The following SLC38A4 variants were observed in gnomAD, a reference collection of about 807,000 sequenced individuals.
SLC38A4 encodes solute carrier family 38 member 4.
SLC38A4 carries 20 observed loss-of-function variants against 63.1 expected under a neutral mutation model. The observed-to-expected ratio is 0.32, with a 90% CI of 0.22 to 0.46. The LOEUF is 0.46. SLC38A4 is among the 20% of genes least tolerant of loss of function. The pLI, the probability that SLC38A4 is intolerant of heterozygous loss-of-function variation, is 1.00. For synonymous variants in SLC38A4, 230 were observed against 225.5 expected (o/e 1.02, Z -0.18); for missense variants, 526 against 663.6 (o/e 0.79, Z 2.28).
At chr12:46,817,451 G>C (rs1204759450) in intron 1 of SLC38A4, among the ~76,000 whole-genome samples, 1 of 151,820 alleles carries the variant, frequency 6.6e-6, no homozygotes. Context: ...ACTAGGTCTA[G>C]ATGAGTAGAT....
At chr12:46,768,471 C>T (rs892981946) in intron 15 of SLC38A4, 64 bp from the exon 16 acceptor site, 9 of 1,158,714 alleles carry the variant, frequency 7.8e-6, no homozygotes, top group Non-Finnish European at 1.1e-5. Flanking sequence ...AAGGAGATGC[C>T]AGCACACACT....
intron 1 of SLC38A4, among the ~76,000 whole-genome samples, chr12:46,819,094 A>G (rs2120915281): frequency 1.3e-5 from 2 of 152,024 alleles, no homozygotes; most frequent in South Asian, 4.1e-4. Flanking sequence ...TGAGAATGAC[A>G]TTTTAAAAGT....
Position 46,784,629 on chromosome 12 carries a change from A to G in SLC38A4, c.406T>C (p.Leu136=). The stretch of plus-strand genomic sequence containing the variant: ...TTTTCTCCTAATTTTTCATAAATCA[A>G]AGACCCTACAATCAAAGATAAAATA... ...LLKTAKEGGS[L]IYEKLGEKAF... is the part of the protein sequence containing the mutation. The change falls in exon 7 of 17, where the codon TTG becomes CTG. Residue 136 remains leucine (L), a synonymous_variant. Coordinates refer to ENST00000266579, the MANE Select transcript of SLC38A4 (RefSeq NM_018018.5). 1 of 1,611,300 alleles carries G rather than the reference A, an allele frequency of 6.2e-7. No homozygotes were observed. Among genetic ancestry groups the G allele is most frequent in the Non-Finnish European group, 8.5e-7 (1 of 1,178,198 alleles).
At chr12:46,778,122 G>A (rs901210826) in intron 12 of SLC38A4, among the ~76,000 whole-genome samples, 167 bp downstream of exon 12, 3 of 151,972 alleles carry the variant, frequency 2.0e-5, no homozygotes, top group African/African-American at 4.8e-5. Flanking sequence ...TAGTGCTGTG[G>A]TGGGCTGATT....
chr12:46,785,567 A>C (rs1257374793), intron 5 of SLC38A4, among the ~76,000 whole-genome samples: 1 of 152,094 alleles, frequency 6.6e-6, no homozygotes, highest in Non-Finnish European at 1.5e-5. Flanking sequence ...CAATAGCCTG[A>C]CTAAACCTTA....
chr12:46,791,704 G>A (rs574987600), intron 3 of SLC38A4, among the ~76,000 whole-genome samples: 2 of 152,252 alleles, frequency 1.3e-5, no homozygotes, highest in African/African-American at 4.8e-5. Flanking sequence ...CAGGTGGTGG[G>A]ACCACAGAGG....
At chr12:46,777,229 T>C (rs1017974806) in intron 12 of SLC38A4, among the ~76,000 whole-genome samples, 17 of 151,978 alleles carry the variant, frequency 1.1e-4, no homozygotes, top group African/African-American at 3.9e-4. Flanking sequence ...ATCATTTCCC[T>C]AGAAGAGGAA....
intron 1 of SLC38A4, among the ~76,000 whole-genome samples, chr12:46,809,240 A>C (rs1939294201): frequency 1.3e-5 from 2 of 152,060 alleles, no homozygotes; most frequent in Non-Finnish European, 1.5e-5. Flanking sequence ...TCAAAGAATC[A>C]GGATCCCTAC....
At chr12:46,809,056 C>T (rs1383250911) in intron 1 of SLC38A4, among the ~76,000 whole-genome samples, 2 of 151,956 alleles carry the variant, frequency 1.3e-5, no homozygotes, top group African/African-American at 4.8e-5. Context: ...CCTACCAGAA[C>T]AATTTTGATG....
intron 1 of SLC38A4, among the ~76,000 whole-genome samples, chr12:46,821,723 T>TA (rs1939554334): frequency 6.6e-6 from 1 of 152,154 alleles, no homozygotes; most frequent in African/African-American, 2.4e-5. Flanking sequence ...CCTATTTCTG[T>TA]AAAAAATGCC....
At chr12:46,772,795 A>T (rs1423421599) in intron 14 of SLC38A4, among the ~76,000 whole-genome samples, 1 of 152,096 alleles carries the variant, frequency 6.6e-6, no homozygotes, top group Non-Finnish European at 1.5e-5. Flanking sequence ...AAAGAAGGAG[A>T]ACACAAAATA....
intron 16 of SLC38A4, among the ~76,000 whole-genome samples, chr12:46,767,410 T>G (rs1174113818): frequency 6.6e-6 from 1 of 152,106 alleles, no homozygotes; most frequent in Non-Finnish European, 1.5e-5. Flanking sequence ...TAAACATTTT[T>G]CACTAGAATG....
intron 1 of SLC38A4, among the ~76,000 whole-genome samples, chr12:46,825,013 A>C (rs574099717): frequency 1.3e-5 from 2 of 152,204 alleles, no homozygotes; most frequent in South Asian, 2.1e-4. Flanking sequence ...ACTGGATGCA[A>C]ATATATAATT....
chr12:46,794,957 G>C (rs766454917), intron 2 of SLC38A4, among the ~76,000 whole-genome samples: 4 of 151,546 alleles, frequency 2.6e-5, no homozygotes, highest in African/African-American at 4.8e-5. Context: ...AAAGCTAAGA[G>C]AGAATAGAAG....
upstream of SLC38A4, among the ~76,000 whole-genome samples, chr12:46,829,959 A>G (rs1592202295): frequency 6.6e-6 from 1 of 152,252 alleles, no homozygotes; most frequent in Admixed American, 6.5e-5. Flanking sequence ...AAATGTTAAC[A>G]TAAAGGAAGT....
At chr12:46,811,657 G>A (rs773761241) in intron 1 of SLC38A4, among the ~76,000 whole-genome samples, 17 of 152,142 alleles carry the variant, frequency 1.1e-4, no homozygotes, top group Middle Eastern at 3.4e-3. Flanking sequence ...TGAAGAAAAT[G>A]TGTTTTGTTA....
chr12:46,778,718 C>T lies in SLC38A4; in HGVS notation c.776G>A (p.Gly259Glu). 6.2e-7 allele frequency: 1 copy of T among 1,612,640 alleles called. No homozygotes were observed. Among genetic ancestry groups the T allele is most frequent in the African/African-American group, 1.3e-5 (1 of 74,874 alleles). The change falls in exon 11 of 17, where the codon GGA becomes GAA. Residue 259 changes from glycine (G) to glutamate (E), a missense_variant. Transcript: ENST00000266579. ...CPLPVLDHSV[G>E]NLSFNNTLPM... is the part of the protein sequence containing the mutation. ...AAGCGTGTTGTTGAATGACAGATTT[C>T]CAACACTGTGATCCAAAACAGGTAG...
Position 46,775,123 on chromosome 12 carries a change from C to G in SLC38A4, c.1225G>C (p.Asp409His). 2.5e-6 allele frequency: 4 copies of G among 1,612,782 alleles called. No individual in the cohort carries two copies. Among genetic ancestry groups the G allele is most frequent in the Non-Finnish European group, 3.4e-6 (4 of 1,179,136 alleles). The part of the protein sequence containing the change: ...LHAYSKVYTL[D>H]IPLLMVRLAV... ...AGGCGAACCATGAGAAGAGGGATGT[C>G]TAATGTATACACTTTGCTGTAGGCA... Residue 409 changes from aspartate (D) to histidine (H), a missense_variant, in exon 14 of 17, where the codon GAC becomes CAC. By Grantham distance (81) the Asp-to-His change is moderately conservative. Transcript: ENST00000266579.
intron 5 of SLC38A4, among the ~76,000 whole-genome samples, chr12:46,787,086 G>A (rs769817695): frequency 3.3e-5 from 5 of 152,184 alleles, no homozygotes; most frequent in Non-Finnish European, 7.3e-5. Context: ...CACCCTACAG[G>A]TCAACTACCA....
Sources: allele counts gnomAD v4.1 joint callset (sites outside exome capture counted in the v4.1 genomes callset), GRCh38; gene constraint gnomAD v4.1.1; transcripts MANE v1.5; gene names NCBI Gene and HGNC (gene_info 2026-07-23, HGNC 2026-07-21).